The following MDGA2 variants were observed in gnomAD, a reference collection of about 807,000 sequenced individuals.
MDGA2 encodes MAM domain-containing glycosylphosphatidylinositol anchor protein 2.
A neutral mutation model predicts 117.8 loss-of-function variants in MDGA2; 40 were observed. That is an observed-to-expected ratio of 0.34 (90% CI 0.26 to 0.44). The LOEUF is 0.44. MDGA2 is among the 20% of genes least tolerant of loss of function. MDGA2 has a pLI of 1.00. For synonymous variants in MDGA2, 452 were observed against 439.0 expected, an observed-to-expected ratio of 1.03 and a Z score of -0.37; for missense variants, 1,123 against 1,250.6, an observed-to-expected ratio of 0.90 and a Z score of 1.54.
At chr14:47,535,030 A>G (rs1895179706) in intron 1 of MDGA2, among the ~76,000 whole-genome samples, 1 of 152,174 alleles carries the variant, frequency 6.6e-6, no homozygotes, top group Non-Finnish European at 1.5e-5. Context: ...GAATTGTGAA[A>G]AGTTCTATTT....
chr14:47,239,649 A>G (rs980853785), intron 2 of MDGA2, among the ~76,000 whole-genome samples: 8 of 151,996 alleles, frequency 5.3e-5, no homozygotes, highest in Admixed American at 1.3e-4. Context: ...TGGCTATTTT[A>G]CTATTACATT....
chr14:47,120,194 TTTAA>T (rs1245941648), intron 5 of MDGA2, among the ~76,000 whole-genome samples: 23 of 152,298 alleles, frequency 1.5e-4, no homozygotes, highest in Admixed American at 3.9e-4. Flanking sequence ...AAAGAGTAGC[TTTAA>T]TTGTCACACC....
intron 3 of MDGA2, among the ~76,000 whole-genome samples, chr14:47,148,897 C>T (rs1205416004): frequency 2.7e-5 from 4 of 150,934 alleles, no homozygotes; most frequent in Non-Finnish European, 5.9e-5. Flanking sequence ...CTTGGCTGTC[C>T]ACTTATTTTC....
chr14:47,292,909 G>A (rs941745138), intron 2 of MDGA2, among the ~76,000 whole-genome samples: 2 of 152,116 alleles, frequency 1.3e-5, no homozygotes, highest in Non-Finnish European at 2.9e-5. Context: ...GTTGATAAAC[G>A]AATTCTGGTT....
intron 16 of MDGA2, among the ~76,000 whole-genome samples, chr14:46,843,077 A>G (rs1322808536): frequency 1.3e-5 from 2 of 152,052 alleles, no homozygotes; most frequent in Non-Finnish European, 2.9e-5. Flanking sequence ...AATACACCCA[A>G]TACATACAGG....
intron 1 of MDGA2, among the ~76,000 whole-genome samples, chr14:47,482,518 G>C (rs1369453638): frequency 6.6e-6 from 1 of 152,072 alleles, no homozygotes; most frequent in Non-Finnish European, 1.5e-5. Context: ...CAATGGACTA[G>C]AGTTCATTCT....
At chr14:47,428,701 C>CAT (rs1012768356) in intron 1 of MDGA2, among the ~76,000 whole-genome samples, 45 of 152,028 alleles carry the variant, frequency 3.0e-4, no homozygotes, top group African/African-American at 9.9e-4. Context: ...TCTCTCCATA[C>CAT]ATATATACAT....
At chr14:47,563,568 G>A (rs1383382584) in intron 1 of MDGA2, among the ~76,000 whole-genome samples, 5 of 96,484 alleles carry the variant, frequency 5.2e-5, no homozygotes, top group Admixed American at 4.3e-4. Context: ...AGCAACCCCT[G>A]CTTTTTTCTG....
intron 5 of MDGA2, among the ~76,000 whole-genome samples, chr14:47,099,960 C>A (rs1880208802): frequency 6.6e-6 from 1 of 151,964 alleles, no homozygotes. Flanking sequence ...ATATTAGTAA[C>A]ACGAGGCAGT....
chr14:47,516,355 C>A (rs2138703543), intron 1 of MDGA2, among the ~76,000 whole-genome samples: 1 of 152,240 alleles, frequency 6.6e-6, no homozygotes, highest in East Asian at 1.9e-4. Context: ...CATGTAATCC[C>A]CATTTCTTTC....
rs1381641390 is a variant in MDGA2 at position 47,083,773 on chromosome 14, C to A, written c.1195+13081G>T. Among the ~76,000 whole-genome samples the A allele has an allele frequency of 2.0e-5, 3 of 151,834 alleles. No homozygotes were observed. In the East Asian group the frequency reaches 5.8e-4, roughly 29 times the overall value. ...CATGCAAACAACCATCAAAAGTAAG[C>A]AGGGTGGCTAGATAATGTAGACTTT... is the stretch of plus-strand genomic sequence containing the variant. On this transcript the variant is annotated intron_variant, in intron 6 of 16. Transcript: ENST00000399232.
In MDGA2 at chr14:47,188,684, T is replaced by G. The variant is rs534924564; in HGVS notation, c.595+29337A>C. ...CTCTTCTTAGGAAAATACTATAAACTAGGCTATGAAATGTAAAAAATGTTT... is the reference window on the plus strand; with the variant it reads ...CTCTTCTTAGGAAAATACTATAAACGAGGCTATGAAATGTAAAAAATGTTT... On this transcript the variant is annotated intron_variant, in intron 3 of 16. Coordinates refer to ENST00000399232, the MANE Select transcript of MDGA2 (RefSeq NM_001113498.3). Among the ~76,000 whole-genome samples, 14 of 152,246 alleles carry G rather than the reference T, an allele frequency of 9.2e-5. No individual in the cohort carries two copies. In the South Asian group the frequency reaches 2.5e-3, roughly 27 times the overall value.
chr14:47,106,665 C>G (rs977324574), intron 5 of MDGA2, among the ~76,000 whole-genome samples: 31 of 152,048 alleles, frequency 2.0e-4, no homozygotes, highest in Non-Finnish European at 4.0e-4. Flanking sequence ...ACTGACACTG[C>G]CCGATCGCCT....
chr14:47,321,786 C>T (rs1946245222), intron 1 of MDGA2, among the ~76,000 whole-genome samples: 1 of 152,112 alleles, frequency 6.6e-6, no homozygotes, highest in Non-Finnish European at 1.5e-5. Context: ...ACTAAATTTC[C>T]ATAAACTTTT....
chr14:46,976,506 T>C (rs1398336626), intron 8 of MDGA2, among the ~76,000 whole-genome samples: 1 of 151,926 alleles, frequency 6.6e-6, no homozygotes, highest in Non-Finnish European at 1.5e-5. Context: ...TTTCTAACAG[T>C]TAGTTAGACA....
At chr14:46,998,803 G>A (rs12590105) in intron 8 of MDGA2, among the ~76,000 whole-genome samples, 40,155 of 151,832 alleles carry the variant, frequency 0.26, 5,886 homozygotes, top group East Asian at 0.59. Context: ...TAATTAGTGG[G>A]TCAACTTTTA....
chr14:47,614,688 G>T (rs1251952739), intron 1 of MDGA2, among the ~76,000 whole-genome samples: 1 of 152,302 alleles, frequency 6.6e-6, no homozygotes. Context: ...TATCTGATCA[G>T]ATAAAACCTC....
Position 47,131,736 on chromosome 14 carries a change from C to T in MDGA2, c.903G>A (p.Ser301=), listed in dbSNP as rs189572619. The T allele has an allele frequency of 3.4e-4, 531 of 1,576,210 alleles. 8 individuals carry two copies. The South Asian group carries it at 4.7e-3, about 14-fold the overall frequency. The change falls in exon 5 of 17, where the codon TCG becomes TCA. Residue 301 remains serine (S), a synonymous_variant. Transcript: ENST00000399232. ...NVCNIPDKMV[S]FRLSNKTASP... ...TACCTGTTTTATTGGACAGTCTAAA[C>T]GACACCATCTTATCAGGAATATTAC...
chr14:47,640,549 TA>T, intron 1 of MDGA2, among the ~76,000 whole-genome samples: 1 of 152,130 alleles, frequency 6.6e-6, no homozygotes, highest in Non-Finnish European at 1.5e-5. Context: ...AGAATGCATA[TA>T]AATCAAATTT....
Sources: allele counts gnomAD v4.1 joint callset (sites outside exome capture counted in the v4.1 genomes callset), GRCh38; gene constraint gnomAD v4.1.1; transcripts MANE v1.5; gene names NCBI Gene and HGNC (gene_info 2026-07-23, HGNC 2026-07-21).